Variants in DOCK2 observed in about 807,000 individuals in gnomAD.
DOCK2 encodes the protein dedicator of cytokinesis protein 2.
Under a neutral mutation model 248.9 loss-of-function variants are expected in DOCK2, and 87 were observed. That is an observed-to-expected ratio of 0.35 (90% confidence interval 0.29 to 0.42). The LOEUF (loss-of-function observed/expected upper bound fraction) is 0.42, where lower values mean the gene tolerates loss of function less well. DOCK2 is among the 10% of genes least tolerant of loss of function. The pLI, the probability that DOCK2 is intolerant of heterozygous loss-of-function variation, is 1.00. For synonymous variants in DOCK2, 805 were observed against 821.6 expected, an observed-to-expected ratio of 0.98 and a Z score of 0.35; for missense variants, 1,747 against 2,300.2, an observed-to-expected ratio of 0.76 and a Z score of 4.92.
chr5:169,777,060 C>G (rs975188282), intron 25 of DOCK2, among the ~76,000 whole-genome samples: 1 of 152,144 alleles, frequency 6.6e-6, no homozygotes, highest in Non-Finnish European at 1.5e-5. Flanking sequence ...AATCATTGTC[C>G]TCTTTGCTTA....
At chr5:169,708,853 C>T (rs548139210) in intron 15 of DOCK2, among the ~76,000 whole-genome samples, 33 of 152,194 alleles carry the variant, frequency 2.2e-4, no homozygotes, top group Non-Finnish European at 4.3e-4. Context: ...GCATGAGCCA[C>T]CACACCCAGC....
At chr5:169,793,748 A>G (rs1766487245) in intron 25 of DOCK2, among the ~76,000 whole-genome samples, 1 of 152,126 alleles carries the variant, frequency 6.6e-6, no homozygotes, top group African/African-American at 2.4e-5. Flanking sequence ...CTCCAAATTT[A>G]TCATCTCACA....
intron 26 of DOCK2, among the ~76,000 whole-genome samples, chr5:169,828,749 T>G (rs1045985412): frequency 6.6e-6 from 1 of 152,188 alleles, no homozygotes. Flanking sequence ...CTATTCTAGC[T>G]CCACGCCTCA....
chr5:169,644,491 A>G (rs371648005), intron 1 of DOCK2, among the ~76,000 whole-genome samples: 1 of 152,032 alleles, frequency 6.6e-6, no homozygotes, highest in African/African-American at 2.4e-5. Context: ...GGTGACTCCG[A>G]GGTTTCTGGT....
Position 169,699,845 on chromosome 5 carries a change from C to A in DOCK2, c.1133-169C>A, listed in dbSNP as rs192637991. ...CTAGAAATCATTAGCGGGATTCAGA[C>A]CCAGAGATCGCCTGTTCCAGAGGCC... On this transcript the variant is annotated intron_variant, in intron 12 of 51. Transcript: ENST00000520908. Among the ~76,000 whole-genome samples the A allele has an allele frequency of 1.1e-3, 174 of 152,312 alleles. 2 individuals carry two copies. The highest frequency in any genetic ancestry group is 4.1e-3 in the African/African-American group (169 of 41,574).
intron 27 of DOCK2, among the ~76,000 whole-genome samples, chr5:169,971,603 G>A (rs1777512376): frequency 6.6e-6 from 1 of 152,134 alleles, no homozygotes; most frequent in South Asian, 2.1e-4. Context: ...GCCAGAGTGT[G>A]ATGATTCTGC....
intron 27 of DOCK2, among the ~76,000 whole-genome samples, chr5:169,918,643 T>C (rs1436078090): frequency 6.6e-6 from 1 of 152,230 alleles, no homozygotes; most frequent in Admixed American, 6.5e-5. Flanking sequence ...CCAGGTGCAG[T>C]GGCTCATGCC....
At chr5:169,781,937 C>T (rs536304071) in intron 25 of DOCK2, among the ~76,000 whole-genome samples, 72 of 152,320 alleles carry the variant, frequency 4.7e-4, no homozygotes, top group Non-Finnish European at 7.9e-4. Context: ...CCCCCGTCTG[C>T]AGCAGGATGC....
chr5:169,679,149 C>T (rs907437042), intron 6 of DOCK2, among the ~76,000 whole-genome samples: 2 of 152,148 alleles, frequency 1.3e-5, no homozygotes, highest in Non-Finnish European at 2.9e-5. Context: ...AAGTGATCCT[C>T]CCACCTCAGC....
chr5:169,989,343 A>G (rs531834623), intron 29 of DOCK2, among the ~76,000 whole-genome samples: 3 of 152,352 alleles, frequency 2.0e-5, no homozygotes, highest in East Asian at 3.9e-4. Context: ...GAACAAGATT[A>G]TGCCTAGAAA....
intron 26 of DOCK2, among the ~76,000 whole-genome samples, chr5:169,804,271 C>A (rs114389230): frequency 0.011 from 1,658 of 152,316 alleles, 29 homozygotes; most frequent in African/African-American, 0.038. Flanking sequence ...AATTAAGCCG[C>A]TTCTTGTCTT....
intron 27 of DOCK2, among the ~76,000 whole-genome samples, chr5:169,861,495 ACTC>A (rs1442185924): frequency 6.6e-6 from 1 of 152,090 alleles, no homozygotes; most frequent in Non-Finnish European, 1.5e-5. Flanking sequence ...AGCTACATAA[ACTC>A]CTGCAATTTA....
intron 34 of DOCK2, among the ~76,000 whole-genome samples, chr5:170,031,021 T>C (rs1211250946): frequency 6.6e-6 from 1 of 152,180 alleles, no homozygotes; most frequent in Non-Finnish European, 1.5e-5. Context: ...CTATATAACC[T>C]TACACAGCAC....
chr5:169,820,344 A>C (rs1459685820), intron 26 of DOCK2, among the ~76,000 whole-genome samples: 1 of 152,164 alleles, frequency 6.6e-6, no homozygotes, highest in African/African-American at 2.4e-5. Context: ...CCTGACCCCC[A>C]AGTAGCCTAA....
chr5:169,671,210 T>C (rs1759036650), intron 5 of DOCK2, 36 bp downstream of exon 5: 1 of 1,585,964 alleles, frequency 6.3e-7, no homozygotes, highest in East Asian at 2.2e-5. Context: ...AGTTGGAAGC[T>C]TCTTGCAATC....
chr5:169,721,758 G>A (rs1762218823), intron 22 of DOCK2, among the ~76,000 whole-genome samples: 1 of 152,220 alleles, frequency 6.6e-6, no homozygotes, highest in African/African-American at 2.4e-5. Context: ...AGTATGCAAC[G>A]TATAGTTGGG....
At chr5:169,867,158 G>C (rs1467699551) in intron 27 of DOCK2, among the ~76,000 whole-genome samples, 3 of 152,176 alleles carry the variant, frequency 2.0e-5, no homozygotes, top group Admixed American at 6.5e-5. Context: ...GAGATGTGTG[G>C]GGGCTTCAGC....
At chr5:169,771,875 A>G (rs1465222653) in intron 25 of DOCK2, among the ~76,000 whole-genome samples, 1 of 152,212 alleles carries the variant, frequency 6.6e-6, no homozygotes, top group East Asian at 1.9e-4. Context: ...TAGTTTTGAT[A>G]CATAAATCCT....
chr5:169,801,146 GTTTTTTTTTTTTTTT>G lies in DOCK2; in HGVS notation c.2555-1891_2555-1877del, dbSNP rs60574755. Among the ~76,000 whole-genome samples the G allele has an allele frequency of 3.3e-4, 25 of 76,074 alleles. 1 individual carries two copies. The highest frequency in any genetic ancestry group is 7.4e-4 in the African/African-American group (20 of 27,150). 49.9% of individuals were successfully genotyped at this position (76,074 alleles called of 152,430 possible). ...TGCCACCATGCCCAGATAGTTTTGGGTTTTTTTTTTTTTTTTTTTTTTTTTTTTTTTTTTTAGTAG... is the reference window on the plus strand; with the variant it reads ...TGCCACCATGCCCAGATAGTTTTGGGTTTTTTTTTTTTTTTTTTTTAGTAG... On this transcript the variant is annotated intron_variant, in intron 25 of 51. Transcript: ENST00000520908.
Sources: gnomAD v4.1 joint callset for allele counts (sites outside exome capture counted in the v4.1 genomes callset) on GRCh38, gnomAD v4.1.1 for gene constraint, MANE v1.5 for transcripts, NCBI Gene and HGNC (gene_info 2026-07-23, HGNC 2026-07-21) for gene names.